Variants in ADAM18 observed in about 807,000 individuals in gnomAD.
ADAM18 encodes disintegrin and metalloproteinase domain-containing protein 18.
In ADAM18, 117 loss-of-function variants were observed where a neutral mutation model predicts 94.4. That is an observed-to-expected ratio of 1.24 (90% CI 1.07 to 1.45). ADAM18 has a LOEUF of 1.45. Among genes scored for constraint, ADAM18 ranks in the 40% most tolerant of loss-of-function variants. The probability of loss-of-function intolerance (pLI) is 0.00; values close to 1 mark genes in which losing one functional copy is unlikely to be tolerated. For missense variants in ADAM18, 936 were observed against 880.0 expected (o/e 1.06, Z -0.81); for synonymous variants, 327 against 291.6 (o/e 1.12, Z -1.24).
At chr8:39,711,546 T>A (rs1269292539) in intron 18 of ADAM18, among the ~76,000 whole-genome samples, 1 of 151,832 alleles carries the variant, frequency 6.6e-6, no homozygotes, top group Admixed American at 6.6e-5. Context: ...AATGAGAATA[T>A]CAATAGAGAT....
At chr8:39,606,654 T>C (rs1305129426) in intron 3 of ADAM18, among the ~76,000 whole-genome samples, 1 of 152,150 alleles carries the variant, frequency 6.6e-6, no homozygotes, top group Non-Finnish European at 1.5e-5. Flanking sequence ...ATATATTAAG[T>C]ATATCTGGTG....
intron 12 of ADAM18, among the ~76,000 whole-genome samples, chr8:39,657,387 C>T (rs182871575): frequency 2.8e-4 from 42 of 152,306 alleles, no homozygotes; most frequent in African/African-American, 9.9e-4. Context: ...TGTCAGCTCA[C>T]TCTAACCTCT....
intron 17 of ADAM18, among the ~76,000 whole-genome samples, chr8:39,703,163 C>T (rs1173875435): frequency 2.0e-5 from 3 of 152,088 alleles, no homozygotes; most frequent in Admixed American, 1.3e-4. Flanking sequence ...TTTCTTTGAG[C>T]AATGTTTTGT....
intron 15 of ADAM18, 141 bp from the exon 16 acceptor site, chr8:39,679,896 C>T: frequency 1.4e-6 from 1 of 740,034 alleles, no homozygotes; most frequent in South Asian, 1.8e-5. Context: ...TTGTTGTGCA[C>T]CATAAAATAA....
intron 12 of ADAM18, among the ~76,000 whole-genome samples, chr8:39,649,768 A>G (rs1447583385): frequency 2.0e-5 from 3 of 152,184 alleles, no homozygotes; most frequent in Non-Finnish European, 4.4e-5. Context: ...TGTGCTTGGA[A>G]ACTAATGACC....
At chr8:39,614,259 G>T (rs1443381065) in intron 6 of ADAM18, among the ~76,000 whole-genome samples, 3 of 152,122 alleles carry the variant, frequency 2.0e-5, no homozygotes, top group Non-Finnish European at 2.9e-5. Flanking sequence ...ACCCCATTAG[G>T]TGAAGAGTAG....
intron 2 of ADAM18, chr8:39,605,709 A>AT: frequency 1.7e-5 from 4 of 231,686 alleles, no homozygotes; most frequent in South Asian, 1.1e-4. Context: ...TTTTTATTTT[A>AT]TTTTATTTTT....
At chr8:39,590,440 TGAGGGGAGAGGG>T (rs1357950210) in intron 2 of ADAM18, among the ~76,000 whole-genome samples, 3 of 151,818 alleles carry the variant, frequency 2.0e-5, no homozygotes, top group Non-Finnish European at 4.4e-5. Flanking sequence ...TGTTGTCGGG[TGAGGGGAGAGGG>T]GAGGGATAGC....
At chr8:39,698,127 C>T (rs531995881) in intron 17 of ADAM18, among the ~76,000 whole-genome samples, 2 of 151,758 alleles carry the variant, frequency 1.3e-5, no homozygotes, top group Non-Finnish European at 3.0e-5. Context: ...ATCTCTCAAG[C>T]TTTCATTCTT....
At chr8:39,588,466 T>C (rs1818472877) in intron 2 of ADAM18, among the ~76,000 whole-genome samples, 1 of 152,210 alleles carries the variant, frequency 6.6e-6, no homozygotes, top group South Asian at 2.1e-4. Flanking sequence ...CCTTTTGACA[T>C]TTTGGATATT....
At chr8:39,697,208 T>C (rs1033069648) in intron 17 of ADAM18, among the ~76,000 whole-genome samples, 5 of 151,672 alleles carry the variant, frequency 3.3e-5, no homozygotes, top group African/African-American at 9.7e-5. Flanking sequence ...ATTTATTGTA[T>C]GTGTGTTGAT....
intron 2 of ADAM18, among the ~76,000 whole-genome samples, chr8:39,596,402 C>A (rs1818741636): frequency 6.6e-6 from 1 of 152,132 alleles, no homozygotes; most frequent in South Asian, 2.1e-4. Flanking sequence ...TTGGCCTTTT[C>A]CAGAGTGTGT....
chr8:39,646,379 C>A (rs779466176), intron 11 of ADAM18, among the ~76,000 whole-genome samples: 1 of 151,714 alleles, frequency 6.6e-6, no homozygotes, highest in Non-Finnish European at 1.5e-5. Context: ...TAATTAAAAA[C>A]AATTAAAACA....
chr8:39,683,968 C>T (rs577519283), intron 16 of ADAM18, among the ~76,000 whole-genome samples: 1 of 152,014 alleles, frequency 6.6e-6, no homozygotes, highest in East Asian at 1.9e-4. Context: ...GAGAACTTGT[C>T]TCTAAAAAAT....
At chr8:39,655,001 T>C (rs1585944886) in intron 12 of ADAM18, among the ~76,000 whole-genome samples, 1 of 152,210 alleles carries the variant, frequency 6.6e-6, no homozygotes, top group Non-Finnish European at 1.5e-5. Flanking sequence ...CTTCACTCTG[T>C]TAATTGTTTC....
At chr8:39,719,257 T>C (rs1409846665) in intron 18 of ADAM18, among the ~76,000 whole-genome samples, 4 of 151,372 alleles carry the variant, frequency 2.6e-5, no homozygotes, top group Non-Finnish European at 5.9e-5. Context: ...TTTAAACAAA[T>C]TGTGCTAGAA....
intron 12 of ADAM18, 110 bp from the exon 13 acceptor site, chr8:39,663,685 G>T: frequency 1.4e-4 from 57 of 411,518 alleles, no homozygotes; most frequent in East Asian, 3.6e-4. Context: ...CAATTATATT[G>T]TATAACTACA....
intron 12 of ADAM18, among the ~76,000 whole-genome samples, chr8:39,659,244 A>G (rs1454240109): frequency 1.3e-5 from 2 of 152,046 alleles, no homozygotes; most frequent in African/African-American, 4.8e-5. Flanking sequence ...GTTATACATT[A>G]TCTGATAATT....
chr8:39,699,666 C>G (rs752032497), intron 17 of ADAM18, among the ~76,000 whole-genome samples: 1 of 151,936 alleles, frequency 6.6e-6, no homozygotes, highest in Admixed American at 6.6e-5. Context: ...ATAACTGGAC[C>G]ACATTTATAC....
Sources: gnomAD v4.1 joint callset for allele counts (sites outside exome capture counted in the v4.1 genomes callset) on GRCh38, gnomAD v4.1.1 for gene constraint, MANE v1.5 for transcripts, NCBI Gene and HGNC (gene_info 2026-07-23, HGNC 2026-07-21) for gene names.